The following MACROH2A2 variants were observed in gnomAD, a reference collection of about 807,000 sequenced individuals.
MACROH2A2 encodes the protein core histone macro-H2A.2.
MACROH2A2 carries 6 observed loss-of-function variants against 37.6 expected under a neutral mutation model. The observed-to-expected ratio is 0.16, with a 90% confidence interval of 0.09 to 0.32. The LOEUF (loss-of-function observed/expected upper bound fraction) is 0.32, where lower values mean the gene tolerates loss of function less well. MACROH2A2 is among the 10% of genes least tolerant of loss of function. The probability of loss-of-function intolerance (pLI) is 1.00; values close to 1 mark genes in which losing one functional copy is unlikely to be tolerated. For missense variants in MACROH2A2, 290 were observed against 485.9 expected, an observed-to-expected ratio of 0.60 and a Z score of 3.79; for synonymous variants, 192 against 202.7, an observed-to-expected ratio of 0.95 and a Z score of 0.45.
intron 1 of MACROH2A2, among the ~76,000 whole-genome samples, chr10:70,062,848 G>C (rs10999111): frequency 0.042 from 6,329 of 152,314 alleles, 424 homozygotes; most frequent in East Asian, 0.24. Flanking sequence ...AAAGGCATCA[G>C]AATGACATAA....
Position 70,083,147 on chromosome 10 carries a change from G to A in MACROH2A2, c.173-6913G>A, listed in dbSNP as rs149968043. ...CTGGTGGGAAAGCTGAGCCCCCGGG[G>A]TCTCCAGAGCTGGCTGGAGGCCTTG... On this transcript the variant is annotated intron_variant, in intron 2 of 8. Transcript: ENST00000373255. Among the ~76,000 whole-genome samples the A allele has an allele frequency of 4.7e-3, 714 of 152,234 alleles. 6 individuals carry two copies. The highest frequency in any genetic ancestry group is 0.021 in the South Asian group (103 of 4,810).
chr10:70,106,073 A>G (rs1383415060), intron 7 of MACROH2A2, among the ~76,000 whole-genome samples: 3 of 152,210 alleles, frequency 2.0e-5, no homozygotes, highest in African/African-American at 7.2e-5. Context: ...AGTGTCACGG[A>G]AACCAGGCAT....
intron 6 of MACROH2A2, among the ~76,000 whole-genome samples, chr10:70,097,247 T>C (rs2072281481): frequency 6.6e-6 from 1 of 152,098 alleles, no homozygotes; most frequent in African/African-American, 2.4e-5. Context: ...CTTTTCTGAA[T>C]TGCTTCCTAG....
chr10:70,107,317 A>T lies in MACROH2A2; in HGVS notation c.779-1716A>T, dbSNP rs2072344093. On this transcript the variant is annotated intron_variant, in intron 7 of 8. Transcript: ENST00000373255. The surrounding 1 kb of genome is among the most constrained non-coding windows in gnomAD (Gnocchi z 4.4). ...CTGTGGACATTGCCAGGAAATACTT[A>T]TATAAACTAGGTGGGCATCATAGAT... Among the ~76,000 whole-genome samples, 1 of 152,196 alleles carries T rather than the reference A, an allele frequency of 6.6e-6. No homozygotes were observed.
chr10:70,054,572 TGA>T (rs2072002334), intron 1 of MACROH2A2, among the ~76,000 whole-genome samples: 1 of 152,158 alleles, frequency 6.6e-6, no homozygotes, highest in African/African-American at 2.4e-5. Flanking sequence ...GTTCAATAGG[TGA>T]GAGAAAAAGA....
At chr10:70,088,571 T>C (rs887675861) in intron 2 of MACROH2A2, among the ~76,000 whole-genome samples, 1 of 152,272 alleles carries the variant, frequency 6.6e-6, no homozygotes, top group African/African-American at 2.4e-5. Flanking sequence ...GGAAAATTTC[T>C]TCTTATCAAT....
intron 2 of MACROH2A2, among the ~76,000 whole-genome samples, chr10:70,082,630 T>G (rs1018900528): frequency 1.3e-4 from 20 of 152,146 alleles, no homozygotes; most frequent in African/African-American, 4.6e-4. Flanking sequence ...GGAATAAAAT[T>G]CTGGTACATG....
intron 2 of MACROH2A2, among the ~76,000 whole-genome samples, chr10:70,086,033 G>A (rs188978492): frequency 5.6e-4 from 84 of 150,754 alleles, no homozygotes; most frequent in African/African-American, 2.0e-3. Context: ...GGTCTCCTCT[G>A]TCACCCAGGC....
intron 8 of MACROH2A2, 78 bp from the exon 9 acceptor site, chr10:70,111,440 G>A (rs2072373814): frequency 7.5e-7 from 1 of 1,334,894 alleles, no homozygotes; most frequent in Non-Finnish European, 1.0e-6. Context: ...GCCCCACCCA[G>A]TAAAAACAAA....
chr10:70,093,720 G>C lies in MACROH2A2; in HGVS notation c.478-15G>C. On this transcript the variant is annotated splice_polypyrimidine_tract_variant and intron_variant, in intron 4 of 8. Transcript: ENST00000373255. ...TGGATTGGTTCTCATCTTGCCTTTT[G>C]ATTTTTACCGACAGTCCAAACCAAA... 1 of 1,484,182 alleles carries C rather than the reference G, an allele frequency of 6.7e-7. No homozygotes were observed. The highest frequency in any genetic ancestry group is 9.4e-7 in the Non-Finnish European group (1 of 1,062,368). 91.9% of individuals were successfully genotyped at this position (1,484,182 alleles called of 1,614,324 possible).
At chr10:70,090,213 A>G (rs2072236385) in intron 3 of MACROH2A2, 47 bp downstream of exon 3, 1 of 1,250,730 alleles carries the variant, frequency 8.0e-7, no homozygotes, top group African/African-American at 1.5e-5. Flanking sequence ...TTTGCCAAAC[A>G]TGCTAATGTG....
intron 1 of MACROH2A2, among the ~76,000 whole-genome samples, chr10:70,071,033 G>GTGTGCGCGTGCATGTATGCC (rs1006520363): frequency 6.6e-6 from 1 of 151,680 alleles, no homozygotes; most frequent in Admixed American, 6.6e-5. Flanking sequence ...GCATGTATGC[G>GTGTGCGCGTGCATGTATGCC]TGTGCACGTG....
intron 7 of MACROH2A2, among the ~76,000 whole-genome samples, chr10:70,101,782 T>C (rs1378708542): frequency 1.3e-5 from 2 of 152,226 alleles, no homozygotes; most frequent in Non-Finnish European, 2.9e-5. Context: ...TTCTCTCACT[T>C]AACATTTTTT....
intron 1 of MACROH2A2, among the ~76,000 whole-genome samples, chr10:70,070,706 T>C (rs1376772803): frequency 1.3e-5 from 2 of 152,148 alleles, no homozygotes; most frequent in Non-Finnish European, 2.9e-5. Flanking sequence ...TTGCCCAGGC[T>C]CAAACTCCTG....
intron 6 of MACROH2A2, chr10:70,098,345 A>G (rs1375388156): frequency 7.1e-6 from 1 of 139,942 alleles, no homozygotes; most frequent in Non-Finnish European, 1.5e-5. Context: ...GGAGAGAGAG[A>G]GAGAAAGGAA....
At chr10:70,083,267 C>A (rs2072192033) in intron 2 of MACROH2A2, among the ~76,000 whole-genome samples, 1 of 152,134 alleles carries the variant, frequency 6.6e-6, no homozygotes, top group Admixed American at 6.5e-5. Flanking sequence ...ACAAGCAGCC[C>A]CCAGATACCT....
intron 1 of MACROH2A2, among the ~76,000 whole-genome samples, chr10:70,073,083 G>A (rs569352342): frequency 3.0e-4 from 46 of 152,110 alleles, no homozygotes; most frequent in Non-Finnish European, 5.9e-4. Context: ...ATGTAGAAGC[G>A]GCGCTATGCC....
chr10:70,085,192 A>G (rs74139264), intron 2 of MACROH2A2, among the ~76,000 whole-genome samples: 1 of 152,064 alleles, frequency 6.6e-6, no homozygotes, highest in Non-Finnish European at 1.5e-5. Flanking sequence ...GTGGATGGAG[A>G]TACCAGTTCT....
At chr10:70,055,441 G>A (rs560967969) in intron 1 of MACROH2A2, among the ~76,000 whole-genome samples, 4 of 152,226 alleles carry the variant, frequency 2.6e-5, no homozygotes, top group Non-Finnish European at 4.4e-5. Context: ...TGGGGGTCTC[G>A]CTATATTGCT....
Sources: allele counts gnomAD v4.1 joint callset (sites outside exome capture counted in the v4.1 genomes callset), GRCh38; gene constraint gnomAD v4.1.1; non-coding constraint Gnocchi (gnomAD v3.1); transcripts MANE v1.5; gene names NCBI Gene and HGNC (gene_info 2026-07-23, HGNC 2026-07-21).